SAMD12: variants seen among roughly 807,000 people sequenced by gnomAD.
SAMD12 encodes sterile alpha motif domain-containing protein 12.
SAMD12 carries 9 observed loss-of-function variants against 15.0 expected under a neutral mutation model. That is an observed-to-expected ratio of 0.60 (90% confidence interval 0.36 to 1.05). SAMD12 has a LOEUF of 1.05. SAMD12 is among the 50% of genes least tolerant of loss of function. SAMD12 has a pLI of 0.01. For missense variants in SAMD12, 230 were observed against 234.2 expected, an observed-to-expected ratio of 0.98 and a Z score of 0.12; for synonymous variants, 86 against 90.1, an observed-to-expected ratio of 0.96 and a Z score of 0.25.
intron 2 of SAMD12, among the ~76,000 whole-genome samples, chr8:118,464,601 C>A (rs1563876240): frequency 6.6e-6 from 1 of 152,080 alleles, no homozygotes; most frequent in Non-Finnish European, 1.5e-5. Context: ...AAGAGAAAGC[C>A]TTTTGAAAGT....
exon 5 of SAMD12, chr8:118,197,318 A>G (rs1819594231): frequency 4.3e-6 from 1 of 230,540 alleles, no homozygotes; most frequent in South Asian, 9.8e-5. Context: ...TTTTTTTTCT[A>G]AAACATCATG....
Position 118,378,479 on chromosome 8 carries a change from T to C in SAMD12, c.*938A>G. 4 of 984,576 alleles carry C rather than the reference T, an allele frequency of 4.1e-6. No individual in the cohort carries two copies. The highest frequency in any genetic ancestry group is 4.8e-6 in the Non-Finnish European group (4 of 829,216). 61.0% of individuals were successfully genotyped at this position (984,576 alleles called of 1,614,324 possible). A position where few individuals can be genotyped will look rare whatever the true frequency, so the allele number is the denominator to read the frequency against. On this transcript the variant is annotated 3_prime_UTR_variant, in exon 4 of 4. Coordinates refer to ENST00000314727, the MANE Select transcript of SAMD12 (RefSeq NM_207506.3). Reference sequence around the variant, plus strand: ...TGAGACAAACAATACTATTTTACGATCACTTGAAATCTATATTTATCCTTC... The same window carrying C: ...TGAGACAAACAATACTATTTTACGACCACTTGAAATCTATATTTATCCTTC...
chr8:118,593,349 G>T (rs1197432077), intron 1 of SAMD12, among the ~76,000 whole-genome samples: 2 of 152,002 alleles, frequency 1.3e-5, no homozygotes, highest in African/African-American at 4.8e-5. Flanking sequence ...AAAAAAACAA[G>T]TTCCTTTTCA....
intron 3 of SAMD12, among the ~76,000 whole-genome samples, chr8:118,418,827 T>C (rs1051492070): frequency 2.6e-5 from 4 of 152,194 alleles, no homozygotes; most frequent in Non-Finnish European, 1.5e-5. Context: ...ATCCAATACA[T>C]GATCAAAGAA....
At chr8:118,163,874 CAAACAAA>C in the SAMD12 span, among the ~76,000 whole-genome samples, 11 of 149,278 alleles carry the variant, frequency 7.4e-5, no homozygotes, top group African/African-American at 2.5e-4. Flanking sequence ...GACTCCGTCT[CAAACAAA>C]ACAAAACAAA....
intron 2 of SAMD12, among the ~76,000 whole-genome samples, chr8:118,490,058 C>G (rs1333763898): frequency 6.6e-6 from 1 of 152,072 alleles, no homozygotes; most frequent in East Asian, 1.9e-4. Context: ...TAGGAAAGGT[C>G]TTTATTGAGT....
At chr8:118,214,906 G>A (rs183467354) in intron 4 of SAMD12, among the ~76,000 whole-genome samples, 49 of 152,298 alleles carry the variant, frequency 3.2e-4, no homozygotes, top group Non-Finnish European at 5.1e-4. Flanking sequence ...ATGGCTGGAG[G>A]TGAAGGCAGA....
intron 4 of SAMD12, among the ~76,000 whole-genome samples, chr8:118,358,549 TC>T (rs1208485056): frequency 2.0e-5 from 3 of 152,224 alleles, no homozygotes; most frequent in Non-Finnish European, 4.4e-5. Flanking sequence ...ACCATTATCT[TC>T]TGCTTCTTTA....
chr8:118,372,779 A>T (rs2130686710), intron 4 of SAMD12, among the ~76,000 whole-genome samples: 1 of 152,246 alleles, frequency 6.6e-6, no homozygotes, highest in East Asian at 1.9e-4. Context: ...CATTAAAAAT[A>T]ATGGCAAAAA....
At position 118,587,829 on chromosome 8, in the gene SAMD12, G is replaced by A. The variant is rs142436933; in HGVS notation, c.14-6936C>T. Among the ~76,000 whole-genome samples, 95 of 152,272 alleles carry A rather than the reference G, an allele frequency of 6.2e-4. 2 individuals carry two copies. The East Asian group carries it at 0.017, about 28-fold the overall frequency. ...TCTGCTTATTAAGCCATGGTTAGTC[G>A]TGTCTTCTACAACTTTCAGATGAAC... On this transcript the variant is annotated intron_variant, in intron 1 of 3. Transcript: ENST00000314727.
At chr8:118,136,860 C>G in the SAMD12 span, among the ~76,000 whole-genome samples, 3 of 152,228 alleles carry the variant, frequency 2.0e-5, no homozygotes, top group Admixed American at 6.5e-5. Flanking sequence ...CCCAGGGCTT[C>G]TGTGTGAGTA....
intron 2 of SAMD12, among the ~76,000 whole-genome samples, chr8:118,492,626 T>C (rs1045731723): frequency 6.6e-6 from 1 of 152,272 alleles, no homozygotes; most frequent in African/African-American, 2.4e-5. Flanking sequence ...GCTATGTCAC[T>C]TGTATTATTA....
At chr8:118,430,637 G>A (rs1822373361) in intron 3 of SAMD12, among the ~76,000 whole-genome samples, 1 of 152,162 alleles carries the variant, frequency 6.6e-6, no homozygotes, top group East Asian at 1.9e-4. Context: ...TGGGATTACA[G>A]GCATGAGCCA....
chr8:118,204,845 C>A (rs1276553287), intron 4 of SAMD12, among the ~76,000 whole-genome samples: 2 of 152,158 alleles, frequency 1.3e-5, no homozygotes, highest in Non-Finnish European at 1.5e-5. Context: ...TGTAATAAAA[C>A]AGAGATGCAT....
chr8:118,386,786 C>A (rs1819986441), intron 3 of SAMD12, among the ~76,000 whole-genome samples: 1 of 152,144 alleles, frequency 6.6e-6, no homozygotes, highest in East Asian at 1.9e-4. Context: ...CAGCCTGGCA[C>A]AACTTTTCAA....
chr8:118,565,834 C>A (rs1177384298), intron 2 of SAMD12, among the ~76,000 whole-genome samples: 1 of 152,174 alleles, frequency 6.6e-6, no homozygotes, highest in Non-Finnish European at 1.5e-5. Context: ...ATCTTTCATT[C>A]CTCTCTTTGC....
At chr8:118,371,277 T>C (rs1819083701) in intron 4 of SAMD12, among the ~76,000 whole-genome samples, 2 of 152,114 alleles carry the variant, frequency 1.3e-5, no homozygotes, top group Admixed American at 1.3e-4. Context: ...TTGTCAGAAA[T>C]ATATTTAACT....
At chr8:118,219,063 C>T (rs1056275718) in intron 4 of SAMD12, among the ~76,000 whole-genome samples, 4 of 152,202 alleles carry the variant, frequency 2.6e-5, no homozygotes, top group African/African-American at 9.7e-5. Flanking sequence ...CATGAACTGT[C>T]TGGGTCTCCG....
chr8:118,552,382 T>C (rs928216367), intron 2 of SAMD12, among the ~76,000 whole-genome samples: 6 of 151,980 alleles, frequency 3.9e-5, no homozygotes, highest in African/African-American at 1.5e-4. Context: ...TATATGCAAA[T>C]CAATAAATGT....
Sources: gnomAD v4.1 joint callset for allele counts (sites outside exome capture counted in the v4.1 genomes callset) on GRCh38, gnomAD v4.1.1 for gene constraint, MANE v1.5 for transcripts, NCBI Gene and HGNC (gene_info 2026-07-23, HGNC 2026-07-21) for gene names.